CTNNA2: variants seen among roughly 807,000 people sequenced by gnomAD.
The protein encoded by CTNNA2 is catenin alpha 2.
CTNNA2 carries 42 observed loss-of-function variants against 101.0 expected under a neutral mutation model. The observed-to-expected ratio is 0.42, with a 90% confidence interval of 0.32 to 0.54. The LOEUF is 0.54. Among genes scored for constraint, CTNNA2 ranks in the 20% least tolerant of loss-of-function variants. The pLI, the probability that CTNNA2 is intolerant of heterozygous loss-of-function variation, is 0.14. For missense variants in CTNNA2, 871 were observed against 1,223.1 expected, an observed-to-expected ratio of 0.71 and a Z score of 4.29; for synonymous variants, 450 against 456.4, an observed-to-expected ratio of 0.99 and a Z score of 0.18.
In CTNNA2 at chr2:80,456,912, C is replaced by T. The variant is rs539863577; in HGVS notation, c.1290+37311C>T. On this transcript the variant is annotated intron_variant, in intron 9 of 18. Coordinates refer to ENST00000402739, the MANE Select transcript of CTNNA2 (RefSeq NM_001282597.3). ...GTTAGGTAGAAGGAATAAGTTCTAGCGCTTGATAGCACAGTGGGGTGACTA... is the reference window on the plus strand; with the variant it reads ...GTTAGGTAGAAGGAATAAGTTCTAGTGCTTGATAGCACAGTGGGGTGACTA... Among the ~76,000 whole-genome samples, 15 of 152,130 alleles carry T rather than the reference C, an allele frequency of 9.9e-5. No individual in the cohort carries two copies. The East Asian group carries it at 1.4e-3, about 14-fold the overall frequency.
chr2:79,297,750 C>A (rs918082008), intron 2 of CTNNA2, among the ~76,000 whole-genome samples: 1 of 152,012 alleles, frequency 6.6e-6, no homozygotes, highest in Admixed American at 6.6e-5. Flanking sequence ...TTCCTTCTAT[C>A]TATTTATCTA....
chr2:79,973,816 G>A (rs1354506024), intron 7 of CTNNA2, among the ~76,000 whole-genome samples: 1 of 152,316 alleles, frequency 6.6e-6, no homozygotes, highest in South Asian at 2.1e-4. Context: ...ACCAGTGTAA[G>A]GTTGGACAGG....
At chr2:80,098,282 G>A (rs1426125486) in intron 7 of CTNNA2, among the ~76,000 whole-genome samples, 2 of 150,634 alleles carry the variant, frequency 1.3e-5, no homozygotes, top group African/African-American at 2.4e-5. Flanking sequence ...TCCAGACCCT[G>A]TTTGCCTGGG....
chr2:80,197,163 T>C (rs1706893672), intron 7 of CTNNA2, among the ~76,000 whole-genome samples: 1 of 152,188 alleles, frequency 6.6e-6, no homozygotes, highest in Admixed American at 6.5e-5. Flanking sequence ...CAATCTGTAG[T>C]CAATTATTTA....
chr2:79,947,023 G>A (rs1688541426), intron 7 of CTNNA2, among the ~76,000 whole-genome samples: 1 of 152,174 alleles, frequency 6.6e-6, no homozygotes, highest in Non-Finnish European at 1.5e-5. Flanking sequence ...AAATTCTGGT[G>A]TATTAAGTCT....
chr2:80,344,047 A>C (rs1042349511), intron 7 of CTNNA2, among the ~76,000 whole-genome samples: 10 of 152,000 alleles, frequency 6.6e-5, no homozygotes, highest in South Asian at 2.1e-4. Context: ...TAGCACCTGC[A>C]CTCTGCCCCA....
intron 7 of CTNNA2, among the ~76,000 whole-genome samples, chr2:80,188,975 A>G (rs1275562995): frequency 9.1e-6 from 1 of 110,254 alleles, no homozygotes; most frequent in East Asian, 2.6e-4. Flanking sequence ...TTTTTTTGAG[A>G]CAGAGCCTTA....
At chr2:79,367,766 A>T (rs2104452325) in intron 3 of CTNNA2, among the ~76,000 whole-genome samples, 1 of 152,320 alleles carries the variant, frequency 6.6e-6, no homozygotes, top group East Asian at 1.9e-4. Flanking sequence ...ATGAGGCATT[A>T]GTAAAAATGA....
At chr2:80,072,107 C>T (rs1698387529) in intron 7 of CTNNA2, among the ~76,000 whole-genome samples, 1 of 152,132 alleles carries the variant, frequency 6.6e-6, no homozygotes, top group South Asian at 2.1e-4. Context: ...ATTAGAGAAA[C>T]ACTGGCTTTA....
At chr2:79,265,196 T>C (rs1268252554) in intron 2 of CTNNA2, among the ~76,000 whole-genome samples, 2 of 152,200 alleles carry the variant, frequency 1.3e-5, no homozygotes, top group African/African-American at 4.8e-5. Context: ...CACCAGTCAC[T>C]GCAAATATTA....
intron 15 of CTNNA2, among the ~76,000 whole-genome samples, chr2:80,591,457 G>GTTTTTTTTTTTTTTTTTGTTTT (rs1696491085): frequency 1.4e-5 from 1 of 70,314 alleles, no homozygotes; most frequent in Non-Finnish European, 3.0e-5. Flanking sequence ...TGCACAGCCT[G>GTTTTTTTTTTTTTTTTTGTTTT]TTTTTTTTTT....
In CTNNA2 at chr2:79,957,970, G is replaced by A. The variant is rs181223544; in HGVS notation, c.1056+48173G>A. Among the ~76,000 whole-genome samples, 717 of 152,246 alleles carry A rather than the reference G, an allele frequency of 4.7e-3. 6 individuals carry two copies. The highest frequency in any genetic ancestry group is 0.01 in the Middle Eastern group (3 of 294). On this transcript the variant is annotated intron_variant, in intron 7 of 18. Coordinates refer to ENST00000402739, the MANE Select transcript of CTNNA2 (RefSeq NM_001282597.3). ...CAGATTCTTAAAGACAGTGGCATTTGCACCCAGGCCTTCTGTTCTTTGAGC... is the reference window on the plus strand; with the variant it reads ...CAGATTCTTAAAGACAGTGGCATTTACACCCAGGCCTTCTGTTCTTTGAGC...
rs113208550 is a variant in CTNNA2 at position 80,338,619 on chromosome 2, A to G, written c.1057-54592A>G. Among the ~76,000 whole-genome samples, 256 of 152,320 alleles carry G rather than the reference A, an allele frequency of 1.7e-3. 1 individual carries two copies. The highest frequency in any genetic ancestry group is 3.4e-3 in the Middle Eastern group (1 of 294). ...AGGCCTTCTCTTTTGGCATCTGAGCATGGCCGACTCTGGAGAGCTGCCTCC... is the reference window on the plus strand; with the variant it reads ...AGGCCTTCTCTTTTGGCATCTGAGCGTGGCCGACTCTGGAGAGCTGCCTCC... On this transcript the variant is annotated intron_variant, in intron 7 of 18. Transcript: ENST00000402739.
intron 9 of CTNNA2, among the ~76,000 whole-genome samples, chr2:80,540,508 A>C (rs1404004193): frequency 6.6e-6 from 1 of 151,822 alleles, no homozygotes; most frequent in African/African-American, 2.4e-5. Context: ...GAGACAGGAG[A>C]ATCACTTGAA....
chr2:80,312,032 A>G (rs188065354), intron 7 of CTNNA2, among the ~76,000 whole-genome samples: 97 of 152,358 alleles, frequency 6.4e-4, no homozygotes, highest in African/African-American at 2.2e-3. Flanking sequence ...ACTTGCTATT[A>G]GCAAATTTCA....
chr2:80,389,081 A>G (rs1459831312), intron 7 of CTNNA2, among the ~76,000 whole-genome samples: 1 of 152,240 alleles, frequency 6.6e-6, no homozygotes, highest in East Asian at 1.9e-4. Flanking sequence ...AGGTTTTCGT[A>G]CATTATCTGC....
chr2:79,699,125 C>A (rs960382061), intron 2 of CTNNA2, among the ~76,000 whole-genome samples: 1 of 151,988 alleles, frequency 6.6e-6, no homozygotes, highest in Non-Finnish European at 1.5e-5. Context: ...AAAAAGCCAC[C>A]TTTCCCATAT....
chr2:79,393,323 G>A (rs1678194460), intron 4 of CTNNA2, among the ~76,000 whole-genome samples: 1 of 152,174 alleles, frequency 6.6e-6, no homozygotes, highest in Non-Finnish European at 1.5e-5. Context: ...AGCAAAACCA[G>A]CGTCAAGTGC....
chr2:80,491,150 T>C (rs2149517153), intron 9 of CTNNA2, among the ~76,000 whole-genome samples: 1 of 152,352 alleles, frequency 6.6e-6, no homozygotes, highest in South Asian at 2.1e-4. Flanking sequence ...CCCTGAGGTC[T>C]GGGCATACCT....
Sources: allele counts gnomAD v4.1 joint callset (sites outside exome capture counted in the v4.1 genomes callset), GRCh38; gene constraint gnomAD v4.1.1; transcripts MANE v1.5; gene names NCBI Gene and HGNC (gene_info 2026-07-23, HGNC 2026-07-21).